Variants in NCKAP5 observed in about 807,000 individuals in gnomAD.
The protein encoded by NCKAP5 is nck-associated protein 5.
NCKAP5 carries 92 observed loss-of-function variants against 167.0 expected under a neutral mutation model. The observed-to-expected ratio is 0.55, with a 90% confidence interval of 0.47 to 0.66. The LOEUF (loss-of-function observed/expected upper bound fraction) is 0.66. Ranked by LOEUF, NCKAP5 falls within the 30% of genes least tolerant of loss-of-function variation. The pLI is 0.00. For synonymous variants in NCKAP5, 891 were observed against 877.4 expected (o/e 1.02, Z -0.27); for missense variants, 2,378 against 2,315.0 (o/e 1.03, Z -0.56).
Position 133,129,888 on chromosome 2 carries a change from A to C in NCKAP5, c.341+90T>G, listed in dbSNP as rs1574119890. 1.7e-5 allele frequency: 24 copies of C among 1,378,074 alleles called. No individual in the cohort carries two copies. The East Asian group carries it at 6.5e-4, about 37-fold the overall frequency. The allele number at this position is 1,378,074 out of a possible 1,614,324, so 85.4% of individuals were successfully genotyped here. A position where few individuals can be genotyped will look rare whatever the true frequency, so the allele number is the denominator to read the frequency against. ...TAAATTAGCTCATCAAACACAACAG[A>C]AGCTTACTCAATGGACATTCAATCC... On this transcript the variant is annotated intron_variant, in intron 6 of 19. Transcript: ENST00000409261.
At chr2:133,541,058 T>C (rs898472280) in intron 2 of NCKAP5, among the ~76,000 whole-genome samples, 1 of 150,852 alleles carries the variant, frequency 6.6e-6, no homozygotes, top group African/African-American at 2.4e-5. Context: ...TATTCTTTGT[T>C]ATAAATATAT....
chr2:132,909,270 T>C (rs947762762), intron 8 of NCKAP5, among the ~76,000 whole-genome samples: 4 of 152,092 alleles, frequency 2.6e-5, no homozygotes, highest in African/African-American at 9.7e-5. Flanking sequence ...TGCTTGAACC[T>C]GGGAGGTGGA....
chr2:132,959,798 G>C (rs1299165485), intron 8 of NCKAP5, among the ~76,000 whole-genome samples: 2 of 152,152 alleles, frequency 1.3e-5, no homozygotes, highest in African/African-American at 4.8e-5. Flanking sequence ...CAGTGCTGTT[G>C]AGAATGGTGA....
intron 6 of NCKAP5, among the ~76,000 whole-genome samples, chr2:133,082,579 T>C (rs575852393): frequency 6.6e-6 from 1 of 152,244 alleles, no homozygotes; most frequent in African/African-American, 2.4e-5. Flanking sequence ...TCCATCTTTC[T>C]TACCCACTTC....
intron 3 of NCKAP5, among the ~76,000 whole-genome samples, chr2:133,340,993 C>T (rs1683540268): frequency 6.6e-6 from 1 of 152,292 alleles, no homozygotes; most frequent in Admixed American, 6.5e-5. Context: ...ATACAAGCCA[C>T]TCTAGCTGTT....
At chr2:133,213,450 T>G (rs1049973376) in intron 5 of NCKAP5, among the ~76,000 whole-genome samples, 3 of 152,176 alleles carry the variant, frequency 2.0e-5, no homozygotes, top group Non-Finnish European at 4.4e-5. Context: ...CTGCTGGAAG[T>G]CTGACCTTCA....
chr2:133,548,635 A>G (rs1167691237), intron 2 of NCKAP5, among the ~76,000 whole-genome samples: 2 of 152,142 alleles, frequency 1.3e-5, no homozygotes, highest in Admixed American at 1.3e-4. Context: ...ACTAAGCTTC[A>G]TAAGTGAAGG....
chr2:133,162,501 A>C (rs1399992455), intron 5 of NCKAP5, among the ~76,000 whole-genome samples: 3 of 152,216 alleles, frequency 2.0e-5, no homozygotes, highest in Admixed American at 1.3e-4. Flanking sequence ...ACATTTATTC[A>C]TCCCTGTAAA....
At chr2:132,934,044 A>AC (rs1696651587) in intron 8 of NCKAP5, among the ~76,000 whole-genome samples, 1 of 152,194 alleles carries the variant, frequency 6.6e-6, no homozygotes, top group Admixed American at 6.5e-5. Flanking sequence ...GATCTTTGAA[A>AC]CAAGTATTTC....
chr2:133,278,966 A>C (rs2089841163), intron 4 of NCKAP5, among the ~76,000 whole-genome samples: 1 of 152,194 alleles, frequency 6.6e-6, no homozygotes, highest in African/African-American at 2.4e-5. Flanking sequence ...CTGAGATACT[A>C]TCTCTCATTC....
chr2:132,724,745 A>T (rs1213580743), intron 19 of NCKAP5, among the ~76,000 whole-genome samples: 1 of 152,092 alleles, frequency 6.6e-6, no homozygotes, highest in East Asian at 1.9e-4. Context: ...AACTTATAAG[A>T]AGCAAGGGAC....
chr2:132,863,286 C>T (rs1372235294), intron 10 of NCKAP5, among the ~76,000 whole-genome samples: 1 of 151,654 alleles, frequency 6.6e-6, no homozygotes, highest in Admixed American at 6.6e-5. Context: ...ATTAATAGTA[C>T]CTATTGGATG....
chr2:133,514,932 A>C (rs1683854508), intron 3 of NCKAP5, among the ~76,000 whole-genome samples: 1 of 152,050 alleles, frequency 6.6e-6, no homozygotes, highest in Non-Finnish European at 1.5e-5. Flanking sequence ...AGATTCAAAA[A>C]ATAAAATAAA....
intron 3 of NCKAP5, among the ~76,000 whole-genome samples, chr2:133,492,930 G>A (rs1195093374): frequency 6.6e-6 from 1 of 152,194 alleles, no homozygotes; most frequent in Non-Finnish European, 1.5e-5. Context: ...GAGGGCCAGT[G>A]TTTAAGGTAC....
intron 2 of NCKAP5, among the ~76,000 whole-genome samples, chr2:133,554,747 G>T (rs561468286): frequency 6.6e-6 from 1 of 152,296 alleles, no homozygotes; most frequent in African/African-American, 2.4e-5. Flanking sequence ...TCATTGGGGT[G>T]CTTGGTCAAT....
intron 3 of NCKAP5, among the ~76,000 whole-genome samples, chr2:133,383,255 C>T (rs1446855181): frequency 6.6e-6 from 1 of 152,078 alleles, no homozygotes; most frequent in Admixed American, 6.6e-5. Context: ...GTGATGTTCC[C>T]CTTCCTGTAT....
chr2:133,113,664 A>G (rs966878166), intron 6 of NCKAP5, among the ~76,000 whole-genome samples: 4 of 152,194 alleles, frequency 2.6e-5, no homozygotes, highest in Non-Finnish European at 5.9e-5. Flanking sequence ...TTTGTTTCCA[A>G]ATGGGCCCAA....
At chr2:132,814,203 G>A (rs1686095604) in intron 11 of NCKAP5, among the ~76,000 whole-genome samples, 1 of 152,124 alleles carries the variant, frequency 6.6e-6, no homozygotes, top group South Asian at 2.1e-4. Context: ...TGCCTTATGG[G>A]CTTTGTTGCT....
At chr2:133,073,913 T>C (rs1041514868) in intron 6 of NCKAP5, among the ~76,000 whole-genome samples, 3 of 152,212 alleles carry the variant, frequency 2.0e-5, no homozygotes, top group African/African-American at 7.2e-5. Context: ...TTGTATCTAA[T>C]GGCTACTGAG....
Sources: allele counts gnomAD v4.1 joint callset (sites outside exome capture counted in the v4.1 genomes callset), GRCh38; gene constraint gnomAD v4.1.1; transcripts MANE v1.5; gene names NCBI Gene and HGNC (gene_info 2026-07-23, HGNC 2026-07-21).